TTN: variants seen among roughly 807,000 people sequenced by gnomAD.
TTN encodes titin.
In TTN, 1,525 loss-of-function variants were observed where a neutral mutation model predicts 3,223.0. The observed-to-expected ratio is 0.47, with a 90% confidence interval of 0.45 to 0.49. The LOEUF is 0.49. Among genes scored for constraint, TTN ranks in the 20% least tolerant of loss-of-function variants. TTN has a pLI of 0.00. For missense variants in TTN, 40,786 were observed against 43,424.0 expected, an observed-to-expected ratio of 0.94 and a Z score of 5.40; for synonymous variants, 14,094 against 15,161.0, an observed-to-expected ratio of 0.93 and a Z score of 5.17.
rs1289988673 is a variant in TTN, at chr2:178,580,043, A to G, written c.67244T>C (p.Val22415Ala). ...GGATTTTCCCTCCTCCAAATTAGCT[A>G]CTCTGAAGCTTGTTTTGGAGCACTC... ...TTECSKTSFR[V>A]ANLEEGKSYF... The change falls in exon 318 of 363, where the codon GTA becomes GCA. Residue 22415 changes from valine (V) to alanine (A), a missense_variant. By Grantham distance (64) the Val-to-Ala change is moderately conservative (BLOSUM62 0). Transcript: ENST00000589042. 6.2e-7 allele frequency: 1 copy of G among 1,613,140 alleles called. No homozygotes were observed. The highest frequency in any genetic ancestry group is 2.2e-5 in the East Asian group (1 of 44,782).
chr2:178,618,332 T>A lies in TTN; in HGVS notation c.47126A>T (p.Asp15709Val). ...IKRKTWVLAT[D>V]RAESCEFTVT... ...AGTAAACTCACAACTCTCTGCACGGTCTGTGGCCAGAACCCAGGTCTTTCT... is the reference window on the plus strand; with the variant it reads ...AGTAAACTCACAACTCTCTGCACGGACTGTGGCCAGAACCCAGGTCTTTCT... Residue 15709 changes from aspartate to valine, a missense_variant, in exon 252 of 363, where the codon GAC (aspartate) becomes GTC (valine). Asp to Val is a radical substitution (Grantham distance 152). Transcript: ENST00000589042. 6.2e-7 allele frequency: 1 copy of A among 1,612,660 alleles called. No homozygotes were observed.
At chr2:178,782,090 T>A in intron 20 of TTN, 122 bp downstream of exon 20, 2 of 1,195,024 alleles carry the variant, frequency 1.7e-6, no homozygotes, top group Non-Finnish European at 2.4e-6. Context: ...CAAAACAAAC[T>A]AAGAAGGCTC....
At position 178,672,115 on chromosome 2, in the gene TTN, C is replaced by T. The variant is rs376117402; in HGVS notation, c.35083G>A (p.Glu11695Lys). 29 of 1,611,358 alleles carry T rather than the reference C, an allele frequency of 1.8e-5. No individual in the cohort carries two copies. The Admixed American group carries it at 2.5e-4, about 14-fold the overall frequency. ...HEVEEYFEEG[E>K]FHEVEEFIKL... ...ATGAATTCTTCTACTTCATGAAACT[C>T]GCCTTCTTCAAAATATTCTTCAACT... The change falls in exon 155 of 363, where the codon GAG (glutamate) becomes AAG (lysine). Residue 11695 changes from glutamate to lysine, a missense_variant. Coordinates refer to ENST00000589042, the MANE Select transcript of TTN (RefSeq NM_001267550.2).
chr2:178,707,094 T>C, intron 100 of TTN, 140 bp from the exon 101 acceptor site: 1 of 713,178 alleles, frequency 1.4e-6, no homozygotes. Flanking sequence ...AAGGGTGGGT[T>C]ACAGAAGATA....
rs72648962 is a variant in TTN at position 178,724,269 on chromosome 2, C to T, written c.21106G>A (p.Asp7036Asn). ...VGKSSCTAVVDVSDRAVPPSF... is the reference protein window; with the variant it reads ...VGKSSCTAVVNVSDRAVPPSF... Reference sequence around the variant, plus strand: ...AAACAGCAGAACTAACCTGAAACATCAACCACAGCTGTGCAGCTGCTTTTC... The same window carrying T: ...AAACAGCAGAACTAACCTGAAACATTAACCACAGCTGTGCAGCTGCTTTTC... Residue 7036 changes from aspartate to asparagine, a missense_variant, in exon 72 of 363, where the codon GAT (aspartate) becomes AAT (asparagine). Physicochemically the swap from Asp to Asn is conservative, Grantham distance 23 (BLOSUM62 1). Transcript: ENST00000589042. 5,208 of 1,612,118 alleles carry T rather than the reference C, an allele frequency of 3.2e-3. 127 individuals carry two copies. In the African/African-American group the frequency reaches 0.053, roughly 16 times the overall value.
At position 178,689,503 on chromosome 2, in the gene TTN, G is replaced by A. The variant is rs769983526; in HGVS notation, c.31927+12C>T. ...AAAGACAAGGTTATTTCATGGAGAT[G>A]GGATTAAGTACCTGCTGGTGGTGGA... On this transcript the variant is annotated intron_variant, in intron 123 of 362. Coordinates refer to ENST00000589042, the MANE Select transcript of TTN (RefSeq NM_001267550.2). The A allele has an allele frequency of 6.2e-7, 1 of 1,607,232 alleles. No individual in the cohort carries two copies. Among genetic ancestry groups the A allele is most frequent in the South Asian group, 1.1e-5 (1 of 89,974 alleles).
At chr2:178,726,657 T>C (rs1445151113) in intron 69 of TTN, 1 of 154,124 alleles carries the variant, frequency 6.5e-6, no homozygotes, top group Non-Finnish European at 1.4e-5. Context: ...AATATTATTG[T>C]CCTGTTTTAA....
In TTN at chr2:178,545,634, T is replaced by A. The variant is rs1441494363; in HGVS notation, c.95476A>T (p.Ile31826Phe). 4 of 1,613,710 alleles carry A rather than the reference T, an allele frequency of 2.5e-6. No individual in the cohort carries two copies. In the African/African-American group the frequency reaches 5.3e-5, roughly 22 times the overall value. Residue 31826 changes from isoleucine to phenylalanine, a missense_variant, in exon 344 of 363, where the codon ATT becomes TTT. Coordinates refer to ENST00000589042, the MANE Select transcript of TTN (RefSeq NM_001267550.2). The part of the protein sequence containing the change: ...EVGTGKEHII[I>F]QWTKPESDGG... ...TCAGATTCAGGTTTTGTCCACTGAA[T>A]GATGATATGCTCTTTGCCAGTCCCA...
At position 178,632,321 on chromosome 2, in the gene TTN, T is replaced by C. The variant is rs2059904805; in HGVS notation, c.43573A>G (p.Ile14525Val). The change falls in exon 236 of 363, where the codon ATC becomes GTC. Residue 14525 changes from isoleucine to valine, a missense_variant. By Grantham distance (29) the Ile-to-Val change is conservative (BLOSUM62 3). Transcript: ENST00000589042. The stretch of plus-strand genomic sequence containing the variant: ...TCATTCTTGAACCATTTAACTCGGA[T>C]GTTATCATGAGATAACTCCACAGTA... ...VFTVELSHDN[I>V]RVKWFKNDQR... The C allele has an allele frequency of 6.2e-7, 1 of 1,607,978 alleles. No homozygotes were observed. Among genetic ancestry groups the C allele is most frequent in the South Asian group, 1.1e-5 (1 of 90,050 alleles).
At position 178,785,938 on chromosome 2, in the gene TTN, G is replaced by A. The variant is rs727505021; in HGVS notation, c.2280C>T (p.Val760=). 1.8e-5 allele frequency: 29 copies of A among 1,614,104 alleles called. No individual in the cohort carries two copies. Among genetic ancestry groups the A allele is most frequent in the East Asian group, 1.1e-4 (5 of 44,866 alleles). The change falls in exon 14 of 363, where the codon GTC becomes GTT. Residue 760 remains valine (V), a synonymous_variant. Transcript: ENST00000589042. ...PQRPASEPHV[V]PKAVKPRVIQ... Reference sequence around the variant, plus strand: ...TTACTCTAGGCTTGACTGCTTTAGGGACAACGTGGGGTTCTGAGGCTGGAC... The same window carrying A: ...TTACTCTAGGCTTGACTGCTTTAGGAACAACGTGGGGTTCTGAGGCTGGAC...
chr2:178,551,773 G>C lies in TTN; in HGVS notation c.91127C>G (p.Thr30376Arg), dbSNP rs1380978634. 1 of 1,613,720 alleles carries C rather than the reference G, an allele frequency of 6.2e-7. No individual in the cohort carries two copies. Among genetic ancestry groups the C allele is most frequent in the Non-Finnish European group, 8.5e-7 (1 of 1,179,804 alleles). ...ATATTCTCTTCCAGAGATTGGTGAT[G>C]TATTAACTTTTTGCCAGAGGATGCT... is the stretch of plus-strand genomic sequence containing the variant. ...RNSILWQKVN[T>R]SPISGREYRA... The change falls in exon 335 of 363, where the codon ACA becomes AGA. Residue 30376 changes from threonine to arginine, a missense_variant. Thr to Arg is a moderately conservative substitution (Grantham distance 71). Transcript: ENST00000589042.
Position 178,592,530 on chromosome 2 carries a change from T to C in TTN, c.59475A>G (p.Arg19825=). The change falls in exon 301 of 363, where the codon AGA becomes AGG. Residue 19825 remains arginine, a synonymous_variant. Transcript: ENST00000589042. ...FPKVTWKKED[R]DAPTKARIDV... is the part of the protein sequence containing the mutation. The stretch of plus-strand genomic sequence containing the variant: ...CAATTCTTGCTTTAGTTGGAGCATC[T>C]CTGTCTTCTTTTTTCCAAGTTACTT... 1 of 1,613,556 alleles carries C rather than the reference T, an allele frequency of 6.2e-7. No homozygotes were observed. Among genetic ancestry groups the C allele is most frequent in the Non-Finnish European group, 8.5e-7 (1 of 1,179,606 alleles).
At position 178,704,205 on chromosome 2, in the gene TTN, C is replaced by G. The variant is rs1560511850; in HGVS notation, c.30165G>C (p.Gln10055His). The change falls in exon 106 of 363, where the codon CAG becomes CAC. Residue 10055 changes from glutamine to histidine, a missense_variant. Gln to His is a conservative substitution (Grantham distance 24). Coordinates refer to ENST00000589042, the MANE Select transcript of TTN (RefSeq NM_001267550.2). ...CTTCATATTTGCAGGTGTACTGACC[C>G]TGGTCTTCTGCTCGAACATCTGCAA... is the stretch of plus-strand genomic sequence containing the variant. ...LTIADVRAED[Q>H]GQYTCKYEDL... is the part of the protein sequence containing the mutation. The G allele has an allele frequency of 6.2e-7, 1 of 1,613,980 alleles. No individual in the cohort carries two copies. The highest frequency in any genetic ancestry group is 2.2e-5 in the East Asian group (1 of 44,878).
chr2:178,558,088 A>G lies in TTN; in HGVS notation c.87266T>C (p.Met29089Thr), dbSNP rs185467126. The change falls in exon 328 of 363, where the codon ATG becomes ACG. Residue 29089 changes from methionine to threonine, a missense_variant. Physicochemically the swap from Met to Thr is moderately conservative, Grantham distance 81 (BLOSUM62 -1). Coordinates refer to ENST00000589042, the MANE Select transcript of TTN (RefSeq NM_001267550.2). ...SRDGVPLKAT[M>T]RFNTEITAEN... is the part of the protein sequence containing the mutation. ...AGCAGTAATTTCGGTATTAAATCTC[A>G]TGGTTGCCTTAAGGGGGACACCATC... The G allele has an allele frequency of 1.2e-5, 20 of 1,606,856 alleles. No individual in the cohort carries two copies. In the East Asian group the frequency reaches 4.0e-4, roughly 32 times the overall value.
In TTN at chr2:178,607,850, G is replaced by A. The variant is rs551439510; in HGVS notation, c.52937C>T (p.Ala17646Val). Residue 17646 changes from alanine (A) to valine (V), a missense_variant, in exon 276 of 363, where the codon GCT (alanine) becomes GTT (valine). Ala to Val is a moderately conservative substitution (Grantham distance 64). Coordinates refer to ENST00000589042, the MANE Select transcript of TTN (RefSeq NM_001267550.2). The part of the protein sequence containing the change: ...EGADYKLRVS[A>V]VNAAGEGPPG... ...CGGTCCTTCCCCTGCGGCATTGACA[G>A]CACTCACCCGAAGTTTGTAATCAGC... is the stretch of plus-strand genomic sequence containing the variant. The A allele has an allele frequency of 6.2e-7, 1 of 1,613,064 alleles. No individual in the cohort carries two copies. The highest frequency in any genetic ancestry group is 1.3e-5 in the African/African-American group (1 of 74,980).
rs886044180 is a variant in TTN, at chr2:178,558,611, C to T, written c.86848G>A (p.Gly28950Arg). The change falls in exon 327 of 363, where the codon GGA becomes AGA. Residue 28950 changes from glycine to arginine, a missense_variant. Transcript: ENST00000589042. ...TEKPSPPEKL[G>R]VTSISKDSVS... Reference sequence around the variant, plus strand: ...CTGTCTTTGGATATACTTGTTACTCCAAGTTTTTCAGGTGGGCTTGGTTTT... The same window carrying T: ...CTGTCTTTGGATATACTTGTTACTCTAAGTTTTTCAGGTGGGCTTGGTTTT... The T allele has an allele frequency of 2.5e-6, 4 of 1,611,856 alleles. No homozygotes were observed. Among genetic ancestry groups the T allele is most frequent in the African/African-American group, 2.7e-5 (2 of 74,874 alleles).
At chr2:178,695,010 A>G (rs2073364446) in intron 115 of TTN, 104 bp from the exon 116 acceptor site, 1 of 807,422 alleles carries the variant, frequency 1.2e-6, no homozygotes, top group Non-Finnish European at 1.9e-6. Context: ...ACACACCTAT[A>G]AGTGTATATG....
intron 341 of TTN, 36 bp from the exon 342 acceptor site, chr2:178,546,538 G>C: frequency 1.9e-6 from 3 of 1,597,730 alleles, no homozygotes; most frequent in Non-Finnish European, 2.6e-6. Flanking sequence ...ATGAATATCT[G>C]AGAGTTTATT....
chr2:178,772,074 T>C (rs534892248), intron 33 of TTN, among the ~76,000 whole-genome samples: 1 of 152,346 alleles, frequency 6.6e-6, no homozygotes, highest in Non-Finnish European at 1.5e-5. Flanking sequence ...ATTTCTTATT[T>C]AGTTTTGTGT....
Sources: gnomAD v4.1 joint callset for allele counts (sites outside exome capture counted in the v4.1 genomes callset) on GRCh38, gnomAD v4.1.1 for gene constraint, MANE v1.5 for transcripts, NCBI Gene and HGNC (gene_info 2026-07-23, HGNC 2026-07-21) for gene names.